The following WASHC2C variants were observed in gnomAD, a reference collection of about 807,000 sequenced individuals.
WASHC2C encodes Vaccinia Penetration Factor.
WASHC2C carries 73 observed loss-of-function variants against 142.2 expected under a neutral mutation model. The observed-to-expected ratio is 0.51, with a 90% CI of 0.43 to 0.62. The LOEUF (loss-of-function observed/expected upper bound fraction) is 0.62, where lower values mean the gene tolerates loss of function less well. Ranked by LOEUF, WASHC2C falls within the 20% of genes least tolerant of loss-of-function variation. The probability of loss-of-function intolerance (pLI) is 0.00; values close to 1 mark genes in which losing one functional copy is unlikely to be tolerated. For missense variants in WASHC2C, 969 were observed against 1,531.7 expected (o/e 0.63, Z 6.13); for synonymous variants, 337 against 565.5 (o/e 0.60, Z 5.73).
chr10:45,744,053 CT>C (rs1554869878), intron 6 of WASHC2C, among the ~76,000 whole-genome samples: 3 of 151,148 alleles, frequency 2.0e-5, no homozygotes, highest in Non-Finnish European at 4.4e-5. Context: ...GGCTCTTTTT[CT>C]TTCTTTCTTT....
intron 26 of WASHC2C, 78 bp downstream of exon 26, chr10:45,785,709 T>G: frequency 6.2e-7 from 1 of 1,609,312 alleles, no homozygotes; most frequent in Non-Finnish European, 8.5e-7. Context: ...AGACCCACAG[T>G]TATTTAGACT....
chr10:45,779,483 A>G (rs2057336454), intron 23 of WASHC2C, among the ~76,000 whole-genome samples: 2 of 152,250 alleles, frequency 1.3e-5, no homozygotes, highest in Admixed American at 1.3e-4. Flanking sequence ...ATTCAGTTTA[A>G]GAAAAAGTGT....
chr10:45,788,037 A>G (rs1564831233), intron 28 of WASHC2C, among the ~76,000 whole-genome samples: 2 of 152,226 alleles, frequency 1.3e-5, no homozygotes, highest in South Asian at 2.1e-4. Flanking sequence ...AAATAGATTC[A>G]TTTCAAATGT....
At position 45,788,864 on chromosome 10, in the gene WASHC2C, G is replaced by A. The variant is rs1184445244; in HGVS notation, c.3088-7G>A. On this transcript the variant is annotated splice_region_variant and splice_polypyrimidine_tract_variant and intron_variant, in intron 28 of 30. Coordinates refer to ENST00000623400, the MANE Select transcript of WASHC2C (RefSeq NM_001330074.2). The stretch of plus-strand genomic sequence containing the variant: ...TCAGATCAATGTATGTTTTTTTGCC[G>A]TTGCAGAGCCGTGTCAAGATGAGAG... The A allele has an allele frequency of 4.0e-5, 64 of 1,611,762 alleles. No individual in the cohort carries two copies. The highest frequency in any genetic ancestry group is 5.5e-5 in the South Asian group (5 of 90,990).
At chr10:45,727,364 G>A (rs777203041) in intron 1 of WASHC2C, 44 bp downstream of exon 1, 3 of 1,603,782 alleles carry the variant, frequency 1.9e-6, no homozygotes, top group Middle Eastern at 4.5e-4. Context: ...GGCTGGGGCC[G>A]CCGTCCCTGC....
chr10:45,736,405 C>A (rs1269658701), intron 3 of WASHC2C, among the ~76,000 whole-genome samples: 3 of 24,562 alleles, frequency 1.2e-4, no homozygotes, highest in South Asian at 4.9e-3. Flanking sequence ...GACTCCATCT[C>A]AAAAAAAAAA....
At chr10:45,728,300 A>AT (rs1296905453) in intron 2 of WASHC2C, among the ~76,000 whole-genome samples, 5 of 152,162 alleles carry the variant, frequency 3.3e-5, no homozygotes, top group African/African-American at 1.2e-4. Flanking sequence ...AAAGTGTTGG[A>AT]TTACAAGCGT....
intron 3 of WASHC2C, among the ~76,000 whole-genome samples, chr10:45,733,584 T>C (rs1405737010): frequency 6.6e-6 from 1 of 152,252 alleles, no homozygotes; most frequent in African/African-American, 2.4e-5. Context: ...ATCTGCTGGA[T>C]ATGAAGTACT....
intron 3 of WASHC2C, among the ~76,000 whole-genome samples, chr10:45,732,730 T>G (rs1365563467): frequency 6.6e-6 from 1 of 152,214 alleles, no homozygotes; most frequent in African/African-American, 2.4e-5. Flanking sequence ...GTTCCAATAA[T>G]GGGACACTAG....
At chr10:45,780,798 G>C (rs2057439354) in intron 23 of WASHC2C, among the ~76,000 whole-genome samples, 1 of 149,288 alleles carries the variant, frequency 6.7e-6, no homozygotes, top group African/African-American at 2.5e-5. Flanking sequence ...TTGTCCCCCA[G>C]GCTGGATTGA....
chr10:45,784,065 T>C (rs2057725650), intron 23 of WASHC2C, among the ~76,000 whole-genome samples: 1 of 151,868 alleles, frequency 6.6e-6, no homozygotes, highest in Admixed American at 6.6e-5. Context: ...TCTTCTTCCC[T>C]TTGGAAATGA....
At chr10:45,759,292 C>CCAA in intron 16 of WASHC2C, 23 bp from the exon 17 acceptor site, 1 of 437,998 alleles carries the variant, frequency 2.3e-6, no homozygotes, top group Non-Finnish European at 3.5e-6. Context: ...TTCTTCCCCA[C>CCAA]CCCCCCCCCA....
intron 8 of WASHC2C, among the ~76,000 whole-genome samples, chr10:45,749,836 A>AAAAAATATATATATATATATAT (rs1227809519): frequency 2.0e-5 from 2 of 101,778 alleles, no homozygotes; most frequent in African/African-American, 8.7e-5. Flanking sequence ...AAAAAAAAAA[A>AAAAAATATATATATATATATAT]ATATATATAT....
At position 45,746,661 on chromosome 10, in the gene WASHC2C, A is replaced by G. The variant is rs2052873264; in HGVS notation, c.732+14A>G. 1.9e-6 allele frequency: 3 copies of G among 1,612,818 alleles called. No individual in the cohort carries two copies. Among genetic ancestry groups the G allele is most frequent in the East Asian group, 4.5e-5 (2 of 44,848 alleles). On this transcript the variant is annotated intron_variant, in intron 8 of 30. Coordinates refer to ENST00000623400, the MANE Select transcript of WASHC2C (RefSeq NM_001330074.2). ...GAACAAAACCAGGTAAGGCTCATAT[A>G]TTGAAATGACTTTGTTTTTACATTT...
At chr10:45,786,264 A>G (rs2058034756) in intron 26 of WASHC2C, 1 of 414,036 alleles carries the variant, frequency 2.4e-6, no homozygotes, top group South Asian at 2.2e-5. Flanking sequence ...CTATGGTTGA[A>G]TTTTTGTGTG....
At chr10:45,757,935 C>G (rs1554878167) in intron 16 of WASHC2C, among the ~76,000 whole-genome samples, 1 of 152,216 alleles carries the variant, frequency 6.6e-6, no homozygotes, top group African/African-American at 2.4e-5. Flanking sequence ...GGGACCCCTG[C>G]TTTATAGTAT....
intron 3 of WASHC2C, among the ~76,000 whole-genome samples, chr10:45,736,631 G>T (rs1554864883): frequency 6.6e-6 from 1 of 151,804 alleles, no homozygotes; most frequent in Non-Finnish European, 1.5e-5. Context: ...AGGAAGGGTA[G>T]GAGAGCTCTA....
chr10:45,742,526 G>A (rs1386663116), intron 5 of WASHC2C, among the ~76,000 whole-genome samples: 2 of 152,222 alleles, frequency 1.3e-5, no homozygotes, highest in Admixed American at 1.3e-4. Flanking sequence ...ACGTTGGCCA[G>A]GCTGGTCTCA....
intron 3 of WASHC2C, among the ~76,000 whole-genome samples, chr10:45,736,591 CTCTGTCTCTA>C (rs1554864854): frequency 6.6e-6 from 1 of 151,710 alleles, no homozygotes; most frequent in Non-Finnish European, 1.5e-5. Context: ...CAGAGCTAGA[CTCTGTCTCTA>C]AATAAATAAA....
Sources: gnomAD v4.1 joint callset for allele counts (sites outside exome capture counted in the v4.1 genomes callset) on GRCh38, gnomAD v4.1.1 for gene constraint, MANE v1.5 for transcripts, NCBI Gene and HGNC (gene_info 2026-07-23, HGNC 2026-07-21) for gene names.